CLTC: variants seen among roughly 807,000 people sequenced by gnomAD.
The protein encoded by CLTC is clathrin heavy chain 1.
Under a neutral mutation model 195.8 loss-of-function variants are expected in CLTC, and 16 were observed. The ratio of observed to expected loss-of-function variants is 0.08; its 90% CI spans 0.06 to 0.12. The LOEUF (loss-of-function observed/expected upper bound fraction) is 0.12. Ranked by LOEUF, CLTC falls within the 10% of genes least tolerant of loss-of-function variation. The pLI is 1.00. For missense variants in CLTC, 796 were observed against 2,027.0 expected, an observed-to-expected ratio of 0.39 and a Z score of 11.66; for synonymous variants, 667 against 689.4, an observed-to-expected ratio of 0.97 and a Z score of 0.51.
intron 1 of CLTC, among the ~76,000 whole-genome samples, chr17:59,642,748 G>A (rs1449573841): frequency 2.0e-5 from 3 of 152,092 alleles, no homozygotes; most frequent in Admixed American, 6.6e-5. Context: ...ACTTTATTAC[G>A]ATGTTTGTAT....
chr17:59,620,108 G>T lies in CLTC; in HGVS notation c.-24G>T. Reference sequence around the variant, plus strand: ...TGCCCCGCAGCCCCAGTGACAGGAGGAGACCATAACCCCCGACAGCGCCAT... The same window carrying T: ...TGCCCCGCAGCCCCAGTGACAGGAGTAGACCATAACCCCCGACAGCGCCAT... On this transcript the variant is annotated 5_prime_UTR_variant, in exon 1 of 32. Coordinates refer to ENST00000269122, the MANE Select transcript of CLTC (RefSeq NM_004859.4). The T allele has an allele frequency of 6.2e-7, 1 of 1,614,022 alleles. No homozygotes were observed. Among genetic ancestry groups the T allele is most frequent in the Non-Finnish European group, 8.5e-7 (1 of 1,179,906 alleles).
At position 59,648,567 on chromosome 17, in the gene CLTC, T is replaced by G; in HGVS notation, c.681+166T>G. On this transcript the variant is annotated intron_variant, in intron 4 of 31. Transcript: ENST00000269122. This position sits in a 1 kb window ranked among gnomAD's most constrained non-coding sequence, Gnocchi z 4.5. ...AATTTTGCATCTAGTGATACTTGTC[T>G]AAAATGAATAATGTTCTTTCACAAC... The G allele has an allele frequency of 1.6e-6, 1 of 607,384 alleles. No individual in the cohort carries two copies. 37.6% of individuals were successfully genotyped at this position (607,384 alleles called of 1,614,324 possible).
rs1228850962 is a variant in CLTC at position 59,696,040 on chromosome 17, CCCATG to C, written c.*2193_*2197del. Reference sequence around the variant, plus strand: ...TATGCCATGACAGTTACTTAGCCACCCCATGCCATCCTGTTGGGAATGCCACTACC... The same window carrying C: ...TATGCCATGACAGTTACTTAGCCACCCCATCCTGTTGGGAATGCCACTACC... On this transcript the variant is annotated 3_prime_UTR_variant, in exon 32 of 32. Transcript: ENST00000269122. 1 of 209,070 alleles carries C rather than the reference CCCATG, an allele frequency of 4.8e-6. No individual in the cohort carries two copies. Among genetic ancestry groups the C allele is most frequent in the Non-Finnish European group, 9.7e-6 (1 of 103,012 alleles). The allele number at this position is 209,070 out of a possible 1,614,324, so 13.0% of individuals were successfully genotyped here.
In CLTC at chr17:59,683,987, T is replaced by TA. The variant is rs1355848570; in HGVS notation, c.4434+6dup. On this transcript the variant is annotated splice_region_variant and intron_variant, in intron 28 of 31. Transcript: ENST00000269122. The surrounding 1 kb of genome is among the most constrained non-coding windows in gnomAD (Gnocchi z 6.1). ...TTTATTACAGAAGAAGATTATCAGG[T>TA]AAAACCTTTTGATTCTTGCACATAA... 1.2e-5 allele frequency: 18 copies of TA among 1,529,540 alleles called. No homozygotes were observed. The highest frequency in any genetic ancestry group is 1.4e-5 in the Non-Finnish European group (16 of 1,104,400). 94.7% of individuals were successfully genotyped at this position (1,529,540 alleles called of 1,614,324 possible).
intron 6 of CLTC, among the ~76,000 whole-genome samples, chr17:59,659,137 A>G (rs966700172): frequency 6.6e-6 from 1 of 152,206 alleles, no homozygotes; most frequent in Admixed American, 6.5e-5. Context: ...AACAAAGACA[A>G]ACCCCCTTTC....
At position 59,685,560 on chromosome 17, in the gene CLTC, T is replaced by G. The variant is rs779297202; in HGVS notation, c.4606-27T>G. The G allele has an allele frequency of 1.3e-4, 208 of 1,579,584 alleles. No homozygotes were observed. The highest frequency in any genetic ancestry group is 9.6e-6 in the Non-Finnish European group (11 of 1,149,782). ...AGTTCAGTATGTGGGGTCTAATGTT[T>G]TTGACTTTCACTATTTCTTTGAATA... On this transcript the variant is annotated intron_variant, in intron 29 of 31. Transcript: ENST00000269122. The surrounding 1 kb of genome is among the most constrained non-coding windows in gnomAD (Gnocchi z 5.0).
chr17:59,670,252 T>G (rs1348386785), intron 14 of CLTC, among the ~76,000 whole-genome samples: 1 of 146,882 alleles, frequency 6.8e-6, no homozygotes. Flanking sequence ...TACTACTAGA[T>G]TCTTTTGGGG....
chr17:59,619,904 C>T lies in CLTC; in HGVS notation c.-228C>T, dbSNP rs745823160. On this transcript the variant is annotated 5_prime_UTR_variant, in exon 1 of 32. Transcript: ENST00000269122. ...TCCTTCCGCTGGGCTCAGCCGTTTCCGGAGTCTGCGCTGCGCCCGGTTCCG... is the reference window on the plus strand; with the variant it reads ...TCCTTCCGCTGGGCTCAGCCGTTTCTGGAGTCTGCGCTGCGCCCGGTTCCG... 9 of 514,416 alleles carry T rather than the reference C, an allele frequency of 1.7e-5. No individual in the cohort carries two copies. Among genetic ancestry groups the T allele is most frequent in the Admixed American group, 3.3e-5 (1 of 30,444 alleles). 31.9% of individuals were successfully genotyped at this position (514,416 alleles called of 1,614,324 possible). A position where few individuals can be genotyped will look rare whatever the true frequency, so the allele number is the denominator to read the frequency against.
At chr17:59,689,297 T>C (rs2033247421) in intron 30 of CLTC, 1 of 152,174 alleles carries the variant, frequency 6.6e-6, no homozygotes, top group African/African-American at 2.4e-5. Context: ...TATAAAACAG[T>C]GCCCTAACCT....
chr17:59,692,307 C>A (rs73331202), intron 31 of CLTC, among the ~76,000 whole-genome samples: 5,227 of 118,178 alleles, frequency 0.044, 296 homozygotes, highest in African/African-American at 0.16. Context: ...GAGCGAGACT[C>A]CGTCTCAAAA....
intron 1 of CLTC, among the ~76,000 whole-genome samples, chr17:59,626,086 C>G (rs577686549): frequency 4.0e-4 from 61 of 152,316 alleles, no homozygotes; most frequent in African/African-American, 1.3e-3. Context: ...TTGGGGTTAA[C>G]ACATTTACCT....
intron 6 of CLTC, among the ~76,000 whole-genome samples, chr17:59,657,817 T>C (rs1276228129): frequency 1.3e-5 from 2 of 148,308 alleles, no homozygotes; most frequent in Non-Finnish European, 3.0e-5. Context: ...GGTCTTTTGG[T>C]GAACTAGATT....
In CLTC at chr17:59,682,476, T is replaced by G. The variant is rs776458449; in HGVS notation, c.3600+48T>G. 1.2e-6 allele frequency: 2 copies of G among 1,606,826 alleles called. No homozygotes were observed. The highest frequency in any genetic ancestry group is 4.5e-5 in the East Asian group (2 of 44,788). ...AGAAAAACTAGTTGGGCTACTTGAT[T>G]AGCTTGGTAGGATCAAAACATCATA... On this transcript the variant is annotated intron_variant, in intron 22 of 31. Coordinates refer to ENST00000269122, the MANE Select transcript of CLTC (RefSeq NM_004859.4). This position sits in a 1 kb window ranked among gnomAD's most constrained non-coding sequence, Gnocchi z 6.8.
At chr17:59,626,810 T>TA (rs2031566882) in intron 1 of CLTC, among the ~76,000 whole-genome samples, 1 of 152,230 alleles carries the variant, frequency 6.6e-6, no homozygotes, top group Non-Finnish European at 1.5e-5. Flanking sequence ...CTAAATGTGT[T>TA]ATGCAAAACC....
intron 30 of CLTC, 43 bp from the exon 31 acceptor site, chr17:59,690,593 A>G (rs1475375877): frequency 1.4e-6 from 2 of 1,401,680 alleles, no homozygotes; most frequent in Non-Finnish European, 2.0e-6. Context: ...CTAGGTTTAT[A>G]ATACTTTTGG....
intron 30 of CLTC, among the ~76,000 whole-genome samples, chr17:59,686,287 A>T (rs1473919169): frequency 4.0e-5 from 6 of 151,796 alleles, no homozygotes; most frequent in Non-Finnish European, 8.8e-5. Flanking sequence ...ATACCATAGG[A>T]GGTGAACATG....
chr17:59,679,220 C>G (rs2033030700), intron 17 of CLTC, 177 bp from the exon 18 acceptor site: 3 of 440,496 alleles, frequency 6.8e-6, no homozygotes, highest in Non-Finnish European at 1.2e-5. Flanking sequence ...CTGTGTATTA[C>G]AAAGTCTATA....
chr17:59,674,894 A>G, intron 16 of CLTC, 51 bp downstream of exon 16: 1 of 1,540,682 alleles, frequency 6.5e-7, no homozygotes, highest in Non-Finnish European at 8.9e-7. Context: ...ACATGGCAAT[A>G]GATAAAAATA....
Position 59,690,621 on chromosome 17 carries a change from T to C in CLTC, c.4828-15T>C, listed in dbSNP as rs1311525828. 1 of 1,594,994 alleles carries C rather than the reference T, an allele frequency of 6.3e-7. No homozygotes were observed. Among genetic ancestry groups the C allele is most frequent in the Non-Finnish European group, 8.6e-7 (1 of 1,165,662 alleles). On this transcript the variant is annotated splice_polypyrimidine_tract_variant and intron_variant, in intron 30 of 31. Coordinates refer to ENST00000269122, the MANE Select transcript of CLTC (RefSeq NM_004859.4). ...ACTTTTGGGGTGCTAATTAACATGA[T>C]GTGTTTTTCTCCAGGTGGATAAATT... is the stretch of plus-strand genomic sequence containing the variant.
Sources: allele counts gnomAD v4.1 joint callset (sites outside exome capture counted in the v4.1 genomes callset), GRCh38; gene constraint gnomAD v4.1.1; non-coding constraint Gnocchi (gnomAD v3.1); transcripts MANE v1.5; gene names NCBI Gene and HGNC (gene_info 2026-07-23, HGNC 2026-07-21).